Variants in CCDC88C observed in about 807,000 individuals in gnomAD.
CCDC88C encodes coiled-coil and HOOK domain protein 88C.
Under a neutral mutation model 198.8 loss-of-function variants are expected in CCDC88C, and 131 were observed. That is an observed-to-expected ratio of 0.66 (90% CI 0.57 to 0.76). The LOEUF is 0.76. Among genes scored for constraint, CCDC88C ranks in the 30% least tolerant of loss-of-function variants. The probability of loss-of-function intolerance (pLI) is 0.00; values close to 1 mark genes in which losing one functional copy is unlikely to be tolerated. For missense variants in CCDC88C, 2,553 were observed against 2,631.6 expected, an observed-to-expected ratio of 0.97 and a Z score of 0.65; for synonymous variants, 1,166 against 1,114.7, an observed-to-expected ratio of 1.05 and a Z score of -0.92.
chr14:91,340,170 A>G, intron 6 of CCDC88C, 146 bp from the exon 7 acceptor site: 2 of 1,120,330 alleles, frequency 1.8e-6, no homozygotes, highest in Middle Eastern at 4.0e-4. Context: ...TGCCCTACGC[A>G]AGTGTGGCCA....
chr14:91,289,417 T>TGGGCTGGGATGTTCTTCCCC, intron 24 of CCDC88C, 74 bp from the exon 25 acceptor site: 1 of 1,281,724 alleles, frequency 7.8e-7, no homozygotes, highest in Non-Finnish European at 1.1e-6. Flanking sequence ...TTCCCTAACA[T>TGGGCTGGGATGTTCTTCCCC]GGGCTGGGAT....
At position 91,324,735 on chromosome 14, in the gene CCDC88C, G is replaced by GCGGCCA. The variant is rs781374350; in HGVS notation, c.1342+38_1342+43dup. ...AGGACTCAGCTCCCTGGAGGCAGCG[G>GCGGCCA]CGGCCACGGCCAGGCTGGCTCCCCG... is the stretch of plus-strand genomic sequence containing the variant. On this transcript the variant is annotated intron_variant, in intron 12 of 29. Coordinates refer to ENST00000389857, the MANE Select transcript of CCDC88C (RefSeq NM_001080414.4). 3 of 1,601,338 alleles carry GCGGCCA rather than the reference G, an allele frequency of 1.9e-6. No individual in the cohort carries two copies. The African/African-American group carries it at 4.0e-5, about 21-fold the overall frequency.
chr14:91,298,957 A>G (rs890295633), intron 21 of CCDC88C, among the ~76,000 whole-genome samples: 5 of 152,222 alleles, frequency 3.3e-5, no homozygotes, highest in African/African-American at 1.2e-4. Flanking sequence ...CTGTTTCCTC[A>G]TCTGTTAAAA....
At chr14:91,285,594 G>T in intron 25 of CCDC88C, 1 of 1,230,766 alleles carries the variant, frequency 8.1e-7, no homozygotes, top group African/African-American at 1.6e-5. Context: ...CCTTTTAGAC[G>T]CTGGCTTTTT....
At chr14:91,379,611 CG>C in intron 3 of CCDC88C, 1 of 569,676 alleles carries the variant, frequency 1.8e-6, no homozygotes, top group Non-Finnish European at 3.1e-6. Flanking sequence ...GGGACGCTGA[CG>C]GTGCCTCCTG....
At chr14:91,341,595 C>A (rs990990277) in intron 6 of CCDC88C, among the ~76,000 whole-genome samples, 4 of 152,252 alleles carry the variant, frequency 2.6e-5, no homozygotes, top group Non-Finnish European at 5.9e-5. Context: ...GTATTTATCT[C>A]ATCTGTCCAA....
chr14:91,312,783 T>A (rs1317290085), intron 15 of CCDC88C, among the ~76,000 whole-genome samples: 1 of 149,168 alleles, frequency 6.7e-6, no homozygotes, highest in Non-Finnish European at 1.5e-5. Context: ...ACAACATAAT[T>A]AATAAAAACC....
At position 91,338,974 on chromosome 14, in the gene CCDC88C, T is replaced by G. The variant is rs1326428767; in HGVS notation, c.809+304A>C. 1 of 513,322 alleles carries G rather than the reference T, an allele frequency of 1.9e-6. No homozygotes were observed. The highest frequency in any genetic ancestry group is 3.6e-6 in the Non-Finnish European group (1 of 280,802). The allele number at this position is 513,322 out of a possible 1,614,324, so 31.8% of individuals were successfully genotyped here. On this transcript the variant is annotated intron_variant, in intron 8 of 29. Coordinates refer to ENST00000389857, the MANE Select transcript of CCDC88C (RefSeq NM_001080414.4). This position sits in a 1 kb window ranked among gnomAD's most constrained non-coding sequence, Gnocchi z 4.8. ...TCCAGCCAAGAAAACACATCAGGTG[T>G]GGTCGTCCCGGCCCCAAGCTGGAGC...
intron 3 of CCDC88C, among the ~76,000 whole-genome samples, chr14:91,390,706 T>C (rs1011192113): frequency 6.6e-6 from 1 of 152,090 alleles, no homozygotes; most frequent in African/African-American, 2.4e-5. Context: ...TCCCATCCTA[T>C]TACAGGATTC....
intron 18 of CCDC88C, among the ~76,000 whole-genome samples, chr14:91,306,751 G>A (rs1486627582): frequency 1.3e-5 from 2 of 152,204 alleles, no homozygotes; most frequent in African/African-American, 2.4e-5. Flanking sequence ...ACAAAAGCAG[G>A]TGGGGGCTGG....
chr14:91,293,132 GCCCAC>G, intron 23 of CCDC88C, among the ~76,000 whole-genome samples: 1 of 130,632 alleles, frequency 7.7e-6, no homozygotes, highest in African/African-American at 2.9e-5. Flanking sequence ...ACTTGCCACA[GCCCAC>G]CTTCCCATCC....
At chr14:91,330,298 G>T (rs1448090460) in intron 10 of CCDC88C, among the ~76,000 whole-genome samples, 1 of 152,236 alleles carries the variant, frequency 6.6e-6, no homozygotes, top group Non-Finnish European at 1.5e-5. Context: ...AGTCGGAAGA[G>T]AGAGTGGGGC....
At chr14:91,362,797 C>T (rs149975965) in intron 3 of CCDC88C, among the ~76,000 whole-genome samples, 2 of 152,060 alleles carry the variant, frequency 1.3e-5, no homozygotes, top group East Asian at 3.9e-4. Flanking sequence ...GGCGTGGTGG[C>T]GGGTGCCTGT....
intron 28 of CCDC88C, 72 bp from the exon 29 acceptor site, chr14:91,278,283 G>A (rs1422326253): frequency 4.9e-6 from 7 of 1,422,888 alleles, no homozygotes; most frequent in South Asian, 1.5e-5. Flanking sequence ...TAGAGGCTTC[G>A]TGCTGCCTTT....
chr14:91,366,447 CT>C (rs1278293348), intron 3 of CCDC88C, among the ~76,000 whole-genome samples: 1 of 152,160 alleles, frequency 6.6e-6, no homozygotes, highest in African/African-American at 2.4e-5. Context: ...GATTGCGCCA[CT>C]GCCCTCCAGC....
chr14:91,279,492 G>A, intron 27 of CCDC88C, 186 bp from the exon 28 acceptor site: 1 of 552,644 alleles, frequency 1.8e-6, no homozygotes, highest in East Asian at 3.0e-5. Flanking sequence ...CCAACGGAGT[G>A]CTGGGCACAG....
chr14:91,310,081 C>T lies in CCDC88C; in HGVS notation c.2737-95G>A, dbSNP rs7155141. 5,313 of 1,314,484 alleles carry T rather than the reference C, an allele frequency of 4.0e-3. 188 individuals carry two copies. In the African/African-American group the frequency reaches 0.07, roughly 17 times the overall value. 81.4% of individuals were successfully genotyped at this position (1,314,484 alleles called of 1,614,324 possible). A position where few individuals can be genotyped will look rare whatever the true frequency, so the allele number is the denominator to read the frequency against. ...CGCCCGGGTGTGAGCAACTGTCCTC[C>T]CGGGCCACGGCTGCCTCCGTGTGGA... On this transcript the variant is annotated intron_variant, in intron 15 of 29. Transcript: ENST00000389857.
At chr14:91,301,970 G>A (rs1461008682) in intron 20 of CCDC88C, among the ~76,000 whole-genome samples, 2 of 152,192 alleles carry the variant, frequency 1.3e-5, no homozygotes, top group Admixed American at 6.5e-5. Flanking sequence ...AGTGAAAAGA[G>A]GCAGAAGATG....
chr14:91,298,330 C>T (rs955863908), intron 21 of CCDC88C, among the ~76,000 whole-genome samples: 11 of 151,682 alleles, frequency 7.3e-5, no homozygotes, highest in African/African-American at 2.7e-4. Flanking sequence ...GCCGAGATCG[C>T]GCCACTGCAC....
Sources: gnomAD v4.1 joint callset for allele counts (sites outside exome capture counted in the v4.1 genomes callset) on GRCh38, gnomAD v4.1.1 for gene constraint, Gnocchi (gnomAD v3.1) non-coding constraint, MANE v1.5 for transcripts, NCBI Gene and HGNC (gene_info 2026-07-23, HGNC 2026-07-21) for gene names.